ENPP6: variants seen among roughly 807,000 people sequenced by gnomAD.
ENPP6 encodes the protein glycerophosphocholine cholinephosphodiesterase ENPP6.
Under a neutral mutation model 42.0 loss-of-function variants are expected in ENPP6, and 32 were observed. That is an observed-to-expected ratio of 0.76 (90% confidence interval 0.58 to 1.02). The LOEUF is 1.02. Among genes scored for constraint, ENPP6 ranks in the 50% least tolerant of loss-of-function variants. ENPP6 has a pLI of 0.00. For synonymous variants in ENPP6, 213 were observed against 216.0 expected, an observed-to-expected ratio of 0.99 and a Z score of 0.12; for missense variants, 552 against 566.8, an observed-to-expected ratio of 0.97 and a Z score of 0.27.
At chr4:184,204,928 G>A (rs1732967328) in intron 1 of ENPP6, among the ~76,000 whole-genome samples, 2 of 151,858 alleles carry the variant, frequency 1.3e-5, no homozygotes, top group East Asian at 1.9e-4. Flanking sequence ...ATGCTTTTTC[G>A]CTATAGTAAT....
intron 1 of ENPP6, among the ~76,000 whole-genome samples, chr4:184,165,862 C>T (rs997735589): frequency 2.0e-5 from 3 of 152,178 alleles, no homozygotes; most frequent in Non-Finnish European, 2.9e-5. Context: ...CAGAGCCAAG[C>T]AGCCAGAAAA....
In ENPP6 at chr4:184,117,837, G is replaced by A. The variant is rs114691085; in HGVS notation, c.597C>T (p.Tyr199=). The change falls in exon 4 of 8, where the codon TAC becomes TAT. Residue 199 remains tyrosine, a synonymous_variant. Transcript: ENST00000296741. ...HERIDVEGHH[Y]GPASPQRKDA... ...CTTTCCTCTGCGGAGATGCAGGCCC[G>A]TAGTGGTGGCCTTCCACGTCAATGC... 1,777 of 1,614,218 alleles carry A rather than the reference G, an allele frequency of 1.1e-3. 14 individuals carry two copies. In the African/African-American group the frequency reaches 0.014, roughly 13 times the overall value.
intron 7 of ENPP6, among the ~76,000 whole-genome samples, chr4:184,094,949 CT>C (rs2111327234): frequency 6.6e-6 from 1 of 152,390 alleles, no homozygotes; most frequent in East Asian, 1.9e-4. Flanking sequence ...TGATGCCCAG[CT>C]TTCCCCCTAA....
chr4:184,212,184 A>G (rs1287142422), intron 1 of ENPP6, among the ~76,000 whole-genome samples: 2 of 151,908 alleles, frequency 1.3e-5, no homozygotes, highest in Admixed American at 6.5e-5. Context: ...GGCACAAGAC[A>G]GGGATGCCCT....
chr4:184,136,546 T>C (rs1254574458), intron 2 of ENPP6, among the ~76,000 whole-genome samples: 1 of 152,248 alleles, frequency 6.6e-6, no homozygotes, highest in Admixed American at 6.5e-5. Context: ...GTTTGCTATC[T>C]CTATATTTTC....
chr4:184,111,347 C>T (rs1340261838), intron 6 of ENPP6, among the ~76,000 whole-genome samples: 2 of 152,162 alleles, frequency 1.3e-5, no homozygotes, highest in Non-Finnish European at 2.9e-5. Flanking sequence ...AAACAGTAAG[C>T]CCTTTGGTGT....
At chr4:184,165,035 T>A (rs778663514) in intron 1 of ENPP6, among the ~76,000 whole-genome samples, 7 of 152,072 alleles carry the variant, frequency 4.6e-5, no homozygotes, top group Non-Finnish European at 1.0e-4. Flanking sequence ...GCCTCCACCC[T>A]CAAGGACAGG....
At chr4:184,138,067 C>T (rs993170588) in intron 2 of ENPP6, among the ~76,000 whole-genome samples, 1 of 152,184 alleles carries the variant, frequency 6.6e-6, no homozygotes, top group East Asian at 1.9e-4. Flanking sequence ...TAAAAGGTTA[C>T]AATTTTAGAA....
intron 2 of ENPP6, among the ~76,000 whole-genome samples, chr4:184,134,917 T>C (rs1261112026): frequency 2.6e-5 from 4 of 151,742 alleles, no homozygotes; most frequent in Middle Eastern, 3.2e-3. Context: ...ATTTTTACTA[T>C]ACCTCAGTTC....
intron 2 of ENPP6, among the ~76,000 whole-genome samples, chr4:184,129,235 T>C (rs1463635463): frequency 6.6e-6 from 1 of 150,762 alleles, no homozygotes; most frequent in African/African-American, 2.5e-5. Flanking sequence ...TGAAAACTTT[T>C]TGTCTGTAAT....
At chr4:184,161,573 G>GTTTATA (rs1737257433) in intron 1 of ENPP6, among the ~76,000 whole-genome samples, 2 of 152,032 alleles carry the variant, frequency 1.3e-5, no homozygotes, top group Admixed American at 1.3e-4. Flanking sequence ...AAAAGATACT[G>GTTTATA]GCATATACAT....
chr4:184,125,298 G>GT (rs1736484325), intron 2 of ENPP6, among the ~76,000 whole-genome samples: 1 of 152,200 alleles, frequency 6.6e-6, no homozygotes, highest in Non-Finnish European at 1.5e-5. Flanking sequence ...GATGCAGGTG[G>GT]GCTGGGAGGA....
At chr4:184,108,756 G>A (rs1387718704) in intron 6 of ENPP6, among the ~76,000 whole-genome samples, 1 of 152,216 alleles carries the variant, frequency 6.6e-6, no homozygotes, top group Non-Finnish European at 1.5e-5. Flanking sequence ...TGTCTCTCAG[G>A]ACTCAGGGAC....
intron 1 of ENPP6, among the ~76,000 whole-genome samples, chr4:184,172,015 G>C (rs1267835187): frequency 6.6e-6 from 1 of 152,142 alleles, no homozygotes; most frequent in African/African-American, 2.4e-5. Flanking sequence ...CTAGGCGGCC[G>C]GGAGGGTTTG....
At chr4:184,107,807 C>T (rs921781139) in intron 6 of ENPP6, among the ~76,000 whole-genome samples, 11 of 151,362 alleles carry the variant, frequency 7.3e-5, no homozygotes, top group Admixed American at 5.3e-4. Context: ...CCCAGCTACT[C>T]GGGAGGCTGA....
At chr4:184,143,724 G>C (rs527495447) in intron 2 of ENPP6, among the ~76,000 whole-genome samples, 72 of 152,248 alleles carry the variant, frequency 4.7e-4, no homozygotes, top group African/African-American at 1.7e-3. Context: ...TCTGCAGAGA[G>C]GGGGAGGGAA....
intron 5 of ENPP6, among the ~76,000 whole-genome samples, chr4:184,114,168 G>A (rs1156635167): frequency 2.0e-5 from 3 of 152,098 alleles, no homozygotes; most frequent in African/African-American, 7.2e-5. Flanking sequence ...TTTTCGCCAT[G>A]TTGGCCAGGC....
chr4:184,091,599 G>T (rs929767774), intron 7 of ENPP6, among the ~76,000 whole-genome samples: 2 of 152,132 alleles, frequency 1.3e-5, no homozygotes, highest in Non-Finnish European at 2.9e-5. Context: ...TCATGGAGAT[G>T]AATTTCTTTA....
intron 5 of ENPP6, among the ~76,000 whole-genome samples, chr4:184,113,417 G>A (rs1736246659): frequency 6.6e-6 from 1 of 151,984 alleles, no homozygotes; most frequent in Non-Finnish European, 1.5e-5. Flanking sequence ...GCAAAAAGGG[G>A]GATTGGGTCT....
Sources: gnomAD v4.1 joint callset for allele counts (sites outside exome capture counted in the v4.1 genomes callset) on GRCh38, gnomAD v4.1.1 for gene constraint, MANE v1.5 for transcripts, NCBI Gene and HGNC (gene_info 2026-07-23, HGNC 2026-07-21) for gene names.